Variants in EIF2AK2 observed in about 807,000 individuals in gnomAD.
EIF2AK2 encodes eukaryotic translation initiation factor 2 alpha kinase 2, also known as interferon-induced, double-stranded RNA-activated protein kinase.
Under a neutral mutation model 70.5 loss-of-function variants are expected in EIF2AK2, and 40 were observed. That is an observed-to-expected ratio of 0.57 (90% confidence interval 0.44 to 0.74). The LOEUF is 0.74. Ranked by LOEUF, EIF2AK2 falls within the 30% of genes least tolerant of loss-of-function variation. EIF2AK2 has a pLI of 0.00. For missense variants in EIF2AK2, 555 were observed against 644.3 expected (o/e 0.86, Z 1.50); for synonymous variants, 198 against 220.9 (o/e 0.90, Z 0.92).
At chr2:37,133,847 T>G (rs919074280) in intron 10 of EIF2AK2, among the ~76,000 whole-genome samples, 1 of 152,232 alleles carries the variant, frequency 6.6e-6, no homozygotes, top group Admixed American at 6.5e-5. Flanking sequence ...CCACGGGATT[T>G]ATGGCTTCAA....
chr2:37,134,094 C>T (rs1675040984), intron 10 of EIF2AK2, among the ~76,000 whole-genome samples: 1 of 151,994 alleles, frequency 6.6e-6, no homozygotes, highest in South Asian at 2.1e-4. Context: ...CTTCCTACAC[C>T]CCTTCATGAC....
chr2:37,100,086 G>C lies in EIF2AK2; in HGVS notation c.*7187C>G, dbSNP rs1558401310. On this transcript the variant is annotated 3_prime_UTR_variant, in exon 17 of 17. Coordinates refer to ENST00000233057, the MANE Select transcript of EIF2AK2 (RefSeq NM_001135651.3). Reference sequence around the variant, plus strand: ...AGTAAACACTACTGAATTGTATACTGTATAGGTGAATTGTATGGCATGTGA... The same window carrying C: ...AGTAAACACTACTGAATTGTATACTCTATAGGTGAATTGTATGGCATGTGA... 1 of 152,002 alleles carries C rather than the reference G, an allele frequency of 6.6e-6. No individual in the cohort carries two copies. The highest frequency in any genetic ancestry group is 1.9e-4 in the East Asian group (1 of 5,198). The allele number at this position is 152,002 out of a possible 1,614,324, so 9.4% of individuals were successfully genotyped here.
Position 37,139,751 on chromosome 2 carries a change from A to G in EIF2AK2, c.396T>C (p.His132=). 1 of 1,609,964 alleles carries G rather than the reference A, an allele frequency of 6.2e-7. No individual in the cohort carries two copies. The stretch of plus-strand genomic sequence containing the variant: ...CTTTCTGTCCCATTTTGCATTTATA[A>G]TGAAATCTAGGAGAAATCATAGAAG... ...ASGVHGPEGF[H]YKCKMGQKEY... Residue 132 remains histidine (H), a synonymous_variant, in exon 6 of 17, where the codon CAT becomes CAC. Transcript: ENST00000233057.
Position 37,148,906 on chromosome 2 carries a change from G to C in EIF2AK2, c.-66C>G. ...GCACGCAGATAATCACGGAAGTGTG[G>C]ATGTTGATTCTGAAGACCGCCAGAG... On this transcript the variant is annotated 5_prime_UTR_variant, in exon 2 of 17. In the 5' UTR this introduces an upstream ATG that the reference lacks. Coordinates refer to ENST00000233057, the MANE Select transcript of EIF2AK2 (RefSeq NM_001135651.3). 1 of 826,996 alleles carries C rather than the reference G, an allele frequency of 1.2e-6. No homozygotes were observed. Among genetic ancestry groups the C allele is most frequent in the Non-Finnish European group, 2.2e-6 (1 of 462,112 alleles). The allele number at this position is 826,996 out of a possible 1,614,324, so 51.2% of individuals were successfully genotyped here.
chr2:37,109,692 G>T (rs912162691), intron 14 of EIF2AK2, among the ~76,000 whole-genome samples: 1 of 152,166 alleles, frequency 6.6e-6, no homozygotes, highest in Admixed American at 6.5e-5. Flanking sequence ...ACAGAAGAAT[G>T]GATAAACATG....
intron 5 of EIF2AK2, among the ~76,000 whole-genome samples, chr2:37,141,266 A>G (rs927180239): frequency 6.6e-5 from 10 of 152,220 alleles, no homozygotes; most frequent in Non-Finnish European, 1.3e-4. Flanking sequence ...TTCTTCGAGC[A>G]GTGGCACCCT....
At position 37,107,400 on chromosome 2, in the gene EIF2AK2, A is replaced by G. The variant is rs753611860; in HGVS notation, c.1534-5T>C. 6 of 1,613,154 alleles carry G rather than the reference A, an allele frequency of 3.7e-6. No individual in the cohort carries two copies. Among genetic ancestry groups the G allele is most frequent in the Non-Finnish European group, 5.1e-6 (6 of 1,179,844 alleles). ...TAATTTCTGTAGAAGAGTTTTCTGC[A>G]ATGACAGTGAGAGTCAATAGTAAGA... On this transcript the variant is annotated splice_polypyrimidine_tract_variant and splice_region_variant and intron_variant, in intron 16 of 16. Transcript: ENST00000233057.
At chr2:37,117,951 G>C (rs1044572153) in intron 13 of EIF2AK2, among the ~76,000 whole-genome samples, 2 of 152,180 alleles carry the variant, frequency 1.3e-5, no homozygotes, top group Non-Finnish European at 2.9e-5. Context: ...TCTTAGAGGA[G>C]AGAAATCAAC....
At chr2:37,107,662 G>A in intron 15 of EIF2AK2, 135 bp from the exon 16 acceptor site, 2 of 904,092 alleles carry the variant, frequency 2.2e-6, no homozygotes, top group Non-Finnish European at 3.3e-6. Flanking sequence ...CAAGAAGCAA[G>A]CAGGATTCCC....
intron 14 of EIF2AK2, chr2:37,109,578 G>T: frequency 6.9e-6 from 2 of 288,648 alleles, no homozygotes; most frequent in South Asian, 5.8e-5. Context: ...AGATGCAGCA[G>T]GTAAAGCAGT....
intron 10 of EIF2AK2, among the ~76,000 whole-genome samples, chr2:37,129,698 A>T (rs968625999): frequency 3.9e-5 from 6 of 152,144 alleles, no homozygotes; most frequent in African/African-American, 1.4e-4. Flanking sequence ...AACCCCATAC[A>T]AAACACTGCC....
At chr2:37,140,991 C>T (rs895549621) in intron 5 of EIF2AK2, among the ~76,000 whole-genome samples, 1 of 152,180 alleles carries the variant, frequency 6.6e-6, no homozygotes, top group Non-Finnish European at 1.5e-5. Flanking sequence ...CACATCTTAG[C>T]TCACTGGTGA....
At chr2:37,152,316 C>T (rs1486453122) in intron 1 of EIF2AK2, among the ~76,000 whole-genome samples, 1 of 152,194 alleles carries the variant, frequency 6.6e-6, no homozygotes, top group South Asian at 2.1e-4. Flanking sequence ...GGGCCTCACT[C>T]TGTTGCCCAG....
rs1426539912 is a variant in EIF2AK2 at position 37,144,432 on chromosome 2, A to G, written c.240+2421T>C. ...TTCGGTAGGTAATCCAAAAGAAGGA[A>G]TTGCTACAATAGGAGATGACACCTC... is the stretch of plus-strand genomic sequence containing the variant. On this transcript the variant is annotated intron_variant, in intron 4 of 16. Coordinates refer to ENST00000233057, the MANE Select transcript of EIF2AK2 (RefSeq NM_001135651.3). Among the ~76,000 whole-genome samples the G allele has an allele frequency of 2.6e-5, 4 of 151,954 alleles. No homozygotes were observed. In the East Asian group the frequency reaches 7.7e-4, roughly 29 times the overall value.
In EIF2AK2 at chr2:37,114,721, G is replaced by T; in HGVS notation, c.1377+10C>A. The T allele has an allele frequency of 6.5e-7, 1 of 1,536,926 alleles. No homozygotes were observed. The highest frequency in any genetic ancestry group is 1.3e-5 in the South Asian group (1 of 76,842). ...AAGTAAAATATAGACAGACAGGAAAGAGACCTTACCTGTTCTGGGCTCATG... is the reference window on the plus strand; with the variant it reads ...AAGTAAAATATAGACAGACAGGAAATAGACCTTACCTGTTCTGGGCTCATG... On this transcript the variant is annotated intron_variant, in intron 14 of 16. Coordinates refer to ENST00000233057, the MANE Select transcript of EIF2AK2 (RefSeq NM_001135651.3).
chr2:37,147,476 C>T (rs1347223396), intron 3 of EIF2AK2, among the ~76,000 whole-genome samples: 30 of 119,770 alleles, frequency 2.5e-4, no homozygotes, highest in Non-Finnish European at 4.2e-4. Flanking sequence ...CCCCACCCCA[C>T]AACAGTCCCT....
At chr2:37,152,468 T>C (rs1178608993) in intron 1 of EIF2AK2, among the ~76,000 whole-genome samples, 1 of 152,136 alleles carries the variant, frequency 6.6e-6, no homozygotes, top group Non-Finnish European at 1.5e-5. Context: ...TTTTGTATTT[T>C]TGAGGTTTCC....
chr2:37,131,999 T>C (rs1674957153), intron 10 of EIF2AK2, among the ~76,000 whole-genome samples: 1 of 152,162 alleles, frequency 6.6e-6, no homozygotes, highest in African/African-American at 2.4e-5. Context: ...GGAACTCCTA[T>C]CATTAATGGA....
rs1673946288 is a variant in EIF2AK2 at position 37,105,820 on chromosome 2, C to T, written c.*1453G>A. ...GTCCAGACTTCCTGGGTGGTCTCCT[C>T]TCTACTCATCTAACACCCTGGCATA... On this transcript the variant is annotated 3_prime_UTR_variant, in exon 17 of 17. Coordinates refer to ENST00000233057, the MANE Select transcript of EIF2AK2 (RefSeq NM_001135651.3). 6.6e-6 allele frequency: 1 copy of T among 152,250 alleles called. No individual in the cohort carries two copies. Among genetic ancestry groups the T allele is most frequent in the Non-Finnish European group, 1.5e-5 (1 of 68,090 alleles). 9.4% of individuals were successfully genotyped at this position (152,250 alleles called of 1,614,324 possible).
Sources: allele counts gnomAD v4.1 joint callset (sites outside exome capture counted in the v4.1 genomes callset), GRCh38; gene constraint gnomAD v4.1.1; transcripts MANE v1.5; gene names NCBI Gene and HGNC (gene_info 2026-07-23, HGNC 2026-07-21).